The following GFOD2 variants were observed in gnomAD, a reference collection of about 807,000 sequenced individuals.
GFOD2 encodes glucose-fructose oxidoreductase domain-containing protein 2.
Under a neutral mutation model 24.6 loss-of-function variants are expected in GFOD2, and 9 were observed. That is an observed-to-expected ratio of 0.37 (90% CI 0.22 to 0.64). GFOD2 has a LOEUF of 0.64. Among genes scored for constraint, GFOD2 ranks in the 30% least tolerant of loss-of-function variants. The pLI, the probability that GFOD2 is intolerant of heterozygous loss-of-function variation, is 0.65. For missense variants in GFOD2, 476 were observed against 532.5 expected, an observed-to-expected ratio of 0.89 and a Z score of 1.04; for synonymous variants, 211 against 224.8, an observed-to-expected ratio of 0.94 and a Z score of 0.55.
chr16:67,690,905 C>T (rs935223291), intron 1 of GFOD2, among the ~76,000 whole-genome samples: 5 of 152,196 alleles, frequency 3.3e-5, no homozygotes, highest in African/African-American at 1.2e-4. Context: ...CTCTGTCATC[C>T]AGGCTGGAGT....
At chr16:67,713,335 C>T (rs1280051983) in intron 1 of GFOD2, among the ~76,000 whole-genome samples, 2 of 152,164 alleles carry the variant, frequency 1.3e-5, no homozygotes, top group East Asian at 3.9e-4. Flanking sequence ...GGGGGTTTCT[C>T]CCCACACACC....
chr16:67,698,213 T>C (rs1437377143), intron 1 of GFOD2, among the ~76,000 whole-genome samples: 1 of 152,148 alleles, frequency 6.6e-6, no homozygotes, highest in Admixed American at 6.5e-5. Context: ...AGGTCACAGC[T>C]CCTTTAGAGG....
Position 67,683,190 on chromosome 16 carries a change from A to G in GFOD2, c.259+2267T>C, listed in dbSNP as rs143059082. On this transcript the variant is annotated intron_variant, in intron 2 of 2. Coordinates refer to ENST00000268797, the MANE Select transcript of GFOD2 (RefSeq NM_030819.4). Reference sequence around the variant, plus strand: ...TTGCCCAGCTGAGAATTCAGTTTCTAACAAGCTCCCAGGTGATGCTGCTGC... The same window carrying G: ...TTGCCCAGCTGAGAATTCAGTTTCTGACAAGCTCCCAGGTGATGCTGCTGC... The G allele has an allele frequency of 1.9e-4, 195 of 1,008,234 alleles. 1 individual carries two copies. The African/African-American group carries it at 2.9e-3, about 15-fold the overall frequency. The allele number at this position is 1,008,234 out of a possible 1,614,324, so 62.5% of individuals were successfully genotyped here. A position where few individuals can be genotyped will look rare whatever the true frequency, so the allele number is the denominator to read the frequency against.
Position 67,675,882 on chromosome 16 carries a change from G to A in GFOD2, c.431C>T (p.Ala144Val), listed in dbSNP as rs780291977. The A allele has an allele frequency of 1.3e-5, 21 of 1,614,018 alleles. No homozygotes were observed. Among genetic ancestry groups the A allele is most frequent in the Middle Eastern group, 1.6e-4 (1 of 6,084 alleles). ...KQLISEHYVG[A>V]VMICDARIYS... ...GATGCGGGCATCACAGATCATCACC[G>A]CTCCCACATAGTGTTCCGAAATCAG... Residue 144 changes from alanine (A) to valine (V), a missense_variant, in exon 3 of 3, where the codon GCG becomes GTG. Physicochemically the swap from Ala to Val is moderately conservative, Grantham distance 64 (BLOSUM62 0). Coordinates refer to ENST00000268797, the MANE Select transcript of GFOD2 (RefSeq NM_030819.4).
chr16:67,715,391 T>A (rs1019984913), intron 1 of GFOD2, among the ~76,000 whole-genome samples: 5 of 152,204 alleles, frequency 3.3e-5, no homozygotes, highest in Non-Finnish European at 7.3e-5. Flanking sequence ...TTTATTCACA[T>A]CACCATGAGA....
At chr16:67,688,521 T>A (rs2053284993) in intron 1 of GFOD2, among the ~76,000 whole-genome samples, 6 of 152,096 alleles carry the variant, frequency 3.9e-5, no homozygotes, top group Admixed American at 3.9e-4. Context: ...AAAACCAAGA[T>A]GAGATGTAGG....
In GFOD2 at chr16:67,674,969, G is replaced by A; in HGVS notation, c.*186C>T. 1.5e-6 allele frequency: 1 copy of A among 657,764 alleles called. No individual in the cohort carries two copies. The highest frequency in any genetic ancestry group is 2.6e-6 in the Non-Finnish European group (1 of 388,286). 40.7% of individuals were successfully genotyped at this position (657,764 alleles called of 1,614,324 possible). ...TGGTAACCTGGCAACAGGAACATTT[G>A]CCACCCTGCAAGTCTGAGGAGCAGA... On this transcript the variant is annotated 3_prime_UTR_variant, in exon 3 of 3. Transcript: ENST00000268797.
intron 2 of GFOD2, chr16:67,677,759 T>C (rs1398687629): frequency 1.3e-5 from 2 of 152,292 alleles, no homozygotes; most frequent in Non-Finnish European, 2.9e-5. Flanking sequence ...CTAATTCATG[T>C]GCTTACCCTT....
At chr16:67,676,570 A>C (rs1283928722) in intron 2 of GFOD2, 1 of 153,822 alleles carries the variant, frequency 6.5e-6, no homozygotes, top group Non-Finnish European at 1.4e-5. Flanking sequence ...GCTTGGGGCA[A>C]GGAAATCTAA....
Position 67,675,722 on chromosome 16 carries a change from C to A in GFOD2, c.591G>T (p.Val197=). The A allele has an allele frequency of 6.2e-7, 1 of 1,614,098 alleles. No individual in the cohort carries two copies. The highest frequency in any genetic ancestry group is 8.5e-7 in the Non-Finnish European group (1 of 1,180,042). Reference sequence around the variant, plus strand: ...TCACGAATGTCTTGAGCAGCCCGTGCACCTTCTCGGCTCTCCGGCCGGTCA... The same window carrying A: ...TCACGAATGTCTTGAGCAGCCCGTGAACCTTCTCGGCTCTCCGGCCGGTCA... The part of the protein sequence containing the change: ...THLTGRRAEK[V]HGLLKTFVRQ... Residue 197 remains valine (V), a synonymous_variant, in exon 3 of 3, where the codon GTG becomes GTT. Coordinates refer to ENST00000268797, the MANE Select transcript of GFOD2 (RefSeq NM_030819.4).
At chr16:67,691,516 C>A (rs956358419) in intron 1 of GFOD2, among the ~76,000 whole-genome samples, 8 of 147,834 alleles carry the variant, frequency 5.4e-5, no homozygotes, top group East Asian at 1.9e-4. Flanking sequence ...AGACCCCCCC[C>A]CAAAAAAAAA....
At chr16:67,703,132 G>A (rs1039026416) in intron 1 of GFOD2, among the ~76,000 whole-genome samples, 2 of 152,224 alleles carry the variant, frequency 1.3e-5, no homozygotes, top group Admixed American at 6.5e-5. Flanking sequence ...GGCCAGCCAC[G>A]GTGGCTCATG....
At chr16:67,693,663 C>T (rs553967345) in intron 1 of GFOD2, among the ~76,000 whole-genome samples, 10 of 152,272 alleles carry the variant, frequency 6.6e-5, no homozygotes, top group African/African-American at 1.7e-4. Flanking sequence ...CTAATACATT[C>T]GTATTGTGCA....
chr16:67,700,300 G>A (rs537530779), intron 1 of GFOD2, among the ~76,000 whole-genome samples: 9 of 151,992 alleles, frequency 5.9e-5, no homozygotes, highest in South Asian at 4.2e-4. Flanking sequence ...GCTTGAACCC[G>A]GGAAGCAGAG....
intron 2 of GFOD2, chr16:67,680,557 C>G: frequency 2.3e-5 from 4 of 176,966 alleles, no homozygotes; most frequent in Non-Finnish European, 4.4e-5. Flanking sequence ...GTCAACCCTT[C>G]CCCCTCCTCT....
chr16:67,695,699 C>A (rs1457865478), intron 1 of GFOD2, among the ~76,000 whole-genome samples: 2 of 151,804 alleles, frequency 1.3e-5, no homozygotes, highest in African/African-American at 4.8e-5. Flanking sequence ...CCATACCTGG[C>A]TAATTTTTGT....
intron 1 of GFOD2, among the ~76,000 whole-genome samples, chr16:67,709,608 G>A (rs1467595155): frequency 6.6e-6 from 1 of 152,100 alleles, no homozygotes; most frequent in African/African-American, 2.4e-5. Context: ...AGACTCAGCA[G>A]GATATAAATT....
In GFOD2 at chr16:67,675,566, A is replaced by G; in HGVS notation, c.747T>C (p.His249=). Residue 249 remains histidine (H), a synonymous_variant, in exon 3 of 3, where the codon CAT becomes CAC. Coordinates refer to ENST00000268797, the MANE Select transcript of GFOD2 (RefSeq NM_030819.4). ...LNFNMPGAFV[H]EVMVVGSAGR... ...CTGCAGAGCCTACCACCATGACTTC[A>G]TGCACAAAGGCGCCTGGCATGTTGA... The G allele has an allele frequency of 6.2e-7, 1 of 1,613,562 alleles. No homozygotes were observed. The highest frequency in any genetic ancestry group is 2.2e-5 in the East Asian group (1 of 44,888).
At chr16:67,699,112 G>A (rs2053379969) in intron 1 of GFOD2, among the ~76,000 whole-genome samples, 1 of 152,114 alleles carries the variant, frequency 6.6e-6, no homozygotes, top group Admixed American at 6.5e-5. Flanking sequence ...GGAGGCCAAG[G>A]CGGGCGGATC....
Sources: allele counts gnomAD v4.1 joint callset (sites outside exome capture counted in the v4.1 genomes callset), GRCh38; gene constraint gnomAD v4.1.1; transcripts MANE v1.5; gene names NCBI Gene and HGNC (gene_info 2026-07-23, HGNC 2026-07-21).